Variants in SCAI observed in about 807,000 individuals in gnomAD.
The protein encoded by SCAI is suppressor of cancer cell invasion.
SCAI carries 24 observed loss-of-function variants against 92.2 expected under a neutral mutation model. The ratio of observed to expected loss-of-function variants is 0.26; its 90% CI spans 0.19 to 0.37. The LOEUF is 0.37. SCAI is among the 10% of genes least tolerant of loss of function. SCAI has a pLI of 1.00. For synonymous variants in SCAI, 261 were observed against 258.6 expected, an observed-to-expected ratio of 1.01 and a Z score of -0.09; for missense variants, 450 against 736.2, an observed-to-expected ratio of 0.61 and a Z score of 4.50.
At chr9:124,961,774 C>T (rs1483650554) in intron 17 of SCAI, among the ~76,000 whole-genome samples, 1 of 152,022 alleles carries the variant, frequency 6.6e-6, no homozygotes, top group African/African-American at 2.4e-5. Flanking sequence ...AGCCCCCTCC[C>T]TAACACAGTT....
At chr9:124,965,445 G>A (rs1479087342) in intron 17 of SCAI, among the ~76,000 whole-genome samples, 1 of 152,144 alleles carries the variant, frequency 6.6e-6, no homozygotes, top group East Asian at 1.9e-4. Flanking sequence ...ATATTGGTCA[G>A]GCTGGTCTTG....
At chr9:125,113,663 ATT>A (rs36106766) in intron 2 of SCAI, among the ~76,000 whole-genome samples, 17 of 135,268 alleles carry the variant, frequency 1.3e-4, no homozygotes, top group Admixed American at 2.3e-4. Context: ...AAGTATAAAG[ATT>A]TTTTTTTTTT....
intron 2 of SCAI, among the ~76,000 whole-genome samples, chr9:125,131,684 A>C (rs1226611753): frequency 6.6e-6 from 1 of 152,156 alleles, no homozygotes; most frequent in Admixed American, 6.5e-5. Flanking sequence ...GCTTTCACAG[A>C]ACTGAATTTT....
At chr9:125,076,346 A>G (rs1231436854) in intron 2 of SCAI, among the ~76,000 whole-genome samples, 2 of 150,874 alleles carry the variant, frequency 1.3e-5, no homozygotes, top group African/African-American at 2.4e-5. Flanking sequence ...TAAAAATACA[A>G]TAATTAGCCA....
At chr9:125,099,566 GC>G (rs1775898188) in intron 2 of SCAI, among the ~76,000 whole-genome samples, 1 of 152,162 alleles carries the variant, frequency 6.6e-6, no homozygotes, top group African/African-American at 2.4e-5. Flanking sequence ...ACAGACGGCA[GC>G]TTTTCATCCT....
At chr9:125,104,073 C>T (rs964405828) in intron 2 of SCAI, among the ~76,000 whole-genome samples, 6 of 152,060 alleles carry the variant, frequency 3.9e-5, no homozygotes, top group Non-Finnish European at 7.4e-5. Flanking sequence ...TAATATGCAT[C>T]CTAACAGGAT....
Position 124,952,647 on chromosome 9 carries a change from C to A in SCAI, c.*160G>T. 2 of 571,824 alleles carry A rather than the reference C, an allele frequency of 3.5e-6. No homozygotes were observed. Among genetic ancestry groups the A allele is most frequent in the South Asian group, 2.8e-5 (1 of 36,104 alleles). 35.4% of individuals were successfully genotyped at this position (571,824 alleles called of 1,614,324 possible). A position where few individuals can be genotyped will look rare whatever the true frequency, so the allele number is the denominator to read the frequency against. ...AAAGGTTGCATTTTAAAACAGTTAC[C>A]CTAAAAGTGTGAACATTTTTTTGTT... On this transcript the variant is annotated 3_prime_UTR_variant, in exon 18 of 18. Coordinates refer to ENST00000336505, the MANE Select transcript of SCAI (RefSeq NM_001144877.3).
intron 2 of SCAI, among the ~76,000 whole-genome samples, chr9:125,139,812 G>C (rs1050101990): frequency 6.6e-6 from 1 of 152,226 alleles, no homozygotes; most frequent in African/African-American, 2.4e-5. Flanking sequence ...GGCTACTGAA[G>C]AGTCTGGCAG....
At chr9:125,095,883 AG>A (rs1834541184) in intron 2 of SCAI, among the ~76,000 whole-genome samples, 1 of 152,240 alleles carries the variant, frequency 6.6e-6, no homozygotes, top group South Asian at 2.1e-4. Flanking sequence ...AGGCCCTGGG[AG>A]GCTTAAACTG....
In SCAI at chr9:125,042,634, T is replaced by TGTACACAC. The variant is rs761672178; in HGVS notation, c.231-12896_231-12895insGTGTGTAC. ...CAGAGTATGTGTGTGTGTGTGTGTG[T>TGTACACAC]ACACACACACACACACACACACACA... On this transcript the variant is annotated intron_variant, in intron 3 of 17. Transcript: ENST00000336505. 2.6e-3 allele frequency among the ~76,000 whole-genome samples: 246 copies of TGTACACAC among 96,208 alleles called. 1 individual carries two copies. Among genetic ancestry groups the TGTACACAC allele is most frequent in the African/African-American group, 9.6e-3 (245 of 25,516 alleles). The allele number at this position is 96,208 out of a possible 152,430, so 63.1% of individuals were successfully genotyped here. A position where few individuals can be genotyped will look rare whatever the true frequency, so the allele number is the denominator to read the frequency against.
intron 14 of SCAI, among the ~76,000 whole-genome samples, chr9:124,988,139 G>A (rs894976729): frequency 2.3e-4 from 35 of 152,036 alleles, no homozygotes; most frequent in African/African-American, 8.2e-4. Context: ...TTATATTCCA[G>A]GTGGAATAGT....
At chr9:124,971,875 C>A (rs775146248) in intron 15 of SCAI, 31 bp from the exon 16 acceptor site, 11 of 1,444,918 alleles carry the variant, frequency 7.6e-6, no homozygotes, top group Non-Finnish European at 1.0e-5. Flanking sequence ...TATATATAGA[C>A]AATAGTTTTG....
At chr9:125,019,245 C>A in intron 7 of SCAI, 40 bp from the exon 8 acceptor site, 2 of 1,181,300 alleles carry the variant, frequency 1.7e-6, no homozygotes, top group South Asian at 2.7e-5. Flanking sequence ...ATTAAAAAAC[C>A]CATAAAAACA....
chr9:125,031,123 A>G (rs922398816), intron 3 of SCAI, among the ~76,000 whole-genome samples: 1 of 152,188 alleles, frequency 6.6e-6, no homozygotes, highest in African/African-American at 2.4e-5. Context: ...GAAACCTTAT[A>G]AACTCAAGGT....
intron 5 of SCAI, 67 bp downstream of exon 5, chr9:125,028,325 T>C (rs1055188197): frequency 7.0e-6 from 6 of 851,448 alleles, no homozygotes; most frequent in Admixed American, 6.4e-5. Flanking sequence ...ATACTATGTA[T>C]GTATACTTCT....
At chr9:124,978,170 G>A (rs960019246) in intron 14 of SCAI, among the ~76,000 whole-genome samples, 1 of 152,176 alleles carries the variant, frequency 6.6e-6, no homozygotes, top group Non-Finnish European at 1.5e-5. Flanking sequence ...AGCCAGGCGC[G>A]TTGGCTCACA....
At chr9:125,015,858 G>T (rs1304452642) in intron 9 of SCAI, among the ~76,000 whole-genome samples, 1 of 151,916 alleles carries the variant, frequency 6.6e-6, no homozygotes. Context: ...CCATAAAAAA[G>T]GATGAGTTCA....
At chr9:125,004,769 A>T (rs1208558279) in intron 9 of SCAI, among the ~76,000 whole-genome samples, 309 of 7,956 alleles carry the variant, frequency 0.039, 27 homozygotes, top group Non-Finnish European at 0.06. Flanking sequence ...ATATATATAT[A>T]TATATATATA....
At chr9:125,094,031 C>T (rs1488756303) in intron 2 of SCAI, among the ~76,000 whole-genome samples, 1 of 152,128 alleles carries the variant, frequency 6.6e-6, no homozygotes, top group East Asian at 1.9e-4. Context: ...ACTCTATTCA[C>T]AGTCTTCCCC....
Sources: allele counts gnomAD v4.1 joint callset (sites outside exome capture counted in the v4.1 genomes callset), GRCh38; gene constraint gnomAD v4.1.1; transcripts MANE v1.5; gene names NCBI Gene and HGNC (gene_info 2026-07-23, HGNC 2026-07-21).